The following DAPK1 variants were observed in gnomAD, a reference collection of about 807,000 sequenced individuals.
DAPK1 encodes the protein death-associated protein kinase 1.
In DAPK1, 56 loss-of-function variants were observed where a neutral mutation model predicts 144.9. The observed-to-expected ratio is 0.39, with a 90% confidence interval of 0.31 to 0.48. The LOEUF (loss-of-function observed/expected upper bound fraction) is 0.48. DAPK1 is among the 20% of genes least tolerant of loss of function. The pLI is 0.95. For missense variants in DAPK1, 1,454 were observed against 1,875.4 expected (o/e 0.78, Z 4.15); for synonymous variants, 690 against 749.0 (o/e 0.92, Z 1.29).
intron 25 of DAPK1, among the ~76,000 whole-genome samples, chr9:87,704,120 A>C (rs1037528632): frequency 2.6e-5 from 4 of 152,190 alleles, no homozygotes; most frequent in Non-Finnish European, 5.9e-5. Flanking sequence ...CCGGGCAGTA[A>C]TTTCATCAGC....
intron 18 of DAPK1, among the ~76,000 whole-genome samples, chr9:87,666,897 G>A (rs904751871): frequency 3.3e-5 from 5 of 152,148 alleles, no homozygotes; most frequent in African/African-American, 7.2e-5. Flanking sequence ...CAAGAGGAAC[G>A]TCCTGTTCAG....
At chr9:87,682,130 A>C (rs1047253050) in intron 20 of DAPK1, among the ~76,000 whole-genome samples, 2 of 152,152 alleles carry the variant, frequency 1.3e-5, no homozygotes, top group Non-Finnish European at 2.9e-5. Context: ...TCCAGGAAGC[A>C]CCATCCTGCT....
chr9:87,697,892 T>C (rs796394009), intron 22 of DAPK1, among the ~76,000 whole-genome samples: 4 of 152,242 alleles, frequency 2.6e-5, no homozygotes, highest in African/African-American at 9.6e-5. Context: ...AGGCTGTGGC[T>C]GCAGTGAGCC....
chr9:87,525,187 G>A, intron 2 of DAPK1: 1 of 748,030 alleles, frequency 1.3e-6, no homozygotes, highest in South Asian at 1.5e-5. Flanking sequence ...TGTGTGTTTG[G>A]ATGAGTACCA....
chr9:87,707,844 T>TC lies in DAPK1; in HGVS notation c.*483dup. On this transcript the variant is annotated 3_prime_UTR_variant, in exon 26 of 26. Coordinates refer to ENST00000408954, the MANE Select transcript of DAPK1 (RefSeq NM_004938.4). The surrounding 1 kb of genome is among the most constrained non-coding windows in gnomAD (Gnocchi z 4.0). ...TCTCTTTTATATTTGTAGGAGAAACTCCCATGTATGGAATCCCACTGTATG... is the reference window on the plus strand; with the variant it reads ...TCTCTTTTATATTTGTAGGAGAAACTCCCCATGTATGGAATCCCACTGTATG... 2.2e-6 allele frequency: 1 copy of TC among 456,874 alleles called. No individual in the cohort carries two copies. 28.3% of individuals were successfully genotyped at this position (456,874 alleles called of 1,614,324 possible). A position where few individuals can be genotyped will look rare whatever the true frequency, so the allele number is the denominator to read the frequency against.
At chr9:87,593,474 G>A (rs1828209706) in intron 2 of DAPK1, among the ~76,000 whole-genome samples, 2 of 152,220 alleles carry the variant, frequency 1.3e-5, no homozygotes, top group South Asian at 4.1e-4. Flanking sequence ...CCAGAACTGA[G>A]CAGGGTGAAT....
At chr9:87,561,528 AAGAAAAAAAAAATACAC>A (rs1826925810) in intron 2 of DAPK1, among the ~76,000 whole-genome samples, 1 of 90,548 alleles carries the variant, frequency 1.1e-5, no homozygotes, top group Non-Finnish European at 2.3e-5. Flanking sequence ...TCCGTCTCAA[AAGAAAAAAAAAATACAC>A]CAAATATGTT....
intron 24 of DAPK1, among the ~76,000 whole-genome samples, chr9:87,702,233 T>C (rs7865636): frequency 0.15 from 22,835 of 152,242 alleles, 2,239 homozygotes; most frequent in East Asian, 0.45. Flanking sequence ...AGTGCGGAAT[T>C]AATGGCACGG....
chr9:87,633,209 G>A, intron 3 of DAPK1: 4 of 983,590 alleles, frequency 4.1e-6, no homozygotes, highest in Non-Finnish European at 4.8e-6. Context: ...GGATGAAGGA[G>A]ATTGAGTACA....
intron 2 of DAPK1, among the ~76,000 whole-genome samples, chr9:87,538,400 G>A (rs1157889239): frequency 1.3e-5 from 2 of 152,156 alleles, no homozygotes; most frequent in African/African-American, 4.8e-5. Flanking sequence ...GTAGATGTCC[G>A]AGTGTGTGTA....
intron 23 of DAPK1, among the ~76,000 whole-genome samples, chr9:87,699,174 T>C (rs937990454): frequency 1.3e-5 from 2 of 152,226 alleles, no homozygotes; most frequent in East Asian, 3.8e-4. Context: ...ACCTTTATTT[T>C]TCATTTTTAT....
intron 21 of DAPK1, among the ~76,000 whole-genome samples, chr9:87,694,062 C>T (rs971395969): frequency 1.3e-5 from 2 of 152,076 alleles, no homozygotes; most frequent in African/African-American, 2.4e-5. Context: ...ACAGCTTGCT[C>T]AAGTGCTGGT....
Position 87,706,935 on chromosome 9 carries a change from C to T in DAPK1, c.3864C>T (p.His1288=), listed in dbSNP as rs201377316. 3.1e-5 allele frequency: 50 copies of T among 1,613,474 alleles called. No individual in the cohort carries two copies. The highest frequency in any genetic ancestry group is 9.3e-5 in the African/African-American group (7 of 75,030). Residue 1288 remains histidine (H), a synonymous_variant, in exon 26 of 26, where the codon CAC becomes CAT. Coordinates refer to ENST00000408954, the MANE Select transcript of DAPK1 (RefSeq NM_004938.4). The surrounding 1 kb of genome is among the most constrained non-coding windows in gnomAD (Gnocchi z 9.0). ...GCAGCATCATGTGCTTCGGGTGTCA[C>T]GACGTCTACTCACAGGCCAGCCTCG... ...SFSSIMCFGC[H]DVYSQASLGM...
chr9:87,520,676 A>T (rs1362563229), intron 2 of DAPK1, among the ~76,000 whole-genome samples: 1 of 152,208 alleles, frequency 6.6e-6, no homozygotes, highest in East Asian at 1.9e-4. Flanking sequence ...TACTTCTTTT[A>T]AAAACTGGGA....
chr9:87,497,741 C>A (rs1307751922), upstream of DAPK1: 2 of 290,602 alleles, frequency 6.9e-6, no homozygotes, highest in Non-Finnish European at 1.3e-5. Flanking sequence ...CGCGCAGAAC[C>A]CGCAGCGCCG....
chr9:87,674,845 A>G (rs928289480), intron 19 of DAPK1, among the ~76,000 whole-genome samples: 1 of 152,188 alleles, frequency 6.6e-6, no homozygotes, highest in Admixed American at 6.5e-5. Context: ...TGCTAGGGAG[A>G]AAACAGTACT....
intron 2 of DAPK1, among the ~76,000 whole-genome samples, chr9:87,588,283 T>C (rs1828004837): frequency 6.6e-6 from 1 of 152,230 alleles, no homozygotes; most frequent in East Asian, 1.9e-4. Context: ...CCATTCCCTA[T>C]TAGAAACTGA....
intron 2 of DAPK1, among the ~76,000 whole-genome samples, chr9:87,505,063 A>G (rs978416078): frequency 6.6e-6 from 1 of 152,098 alleles, no homozygotes; most frequent in African/African-American, 2.4e-5. Flanking sequence ...CTTCCCTCCT[A>G]GCAGAGTTGT....
At chr9:87,569,332 C>A (rs1827249353) in intron 2 of DAPK1, among the ~76,000 whole-genome samples, 1 of 152,176 alleles carries the variant, frequency 6.6e-6, no homozygotes, top group Non-Finnish European at 1.5e-5. Flanking sequence ...GGCTTTGCCC[C>A]ATGGACTGAA....
Sources: allele counts gnomAD v4.1 joint callset (sites outside exome capture counted in the v4.1 genomes callset), GRCh38; gene constraint gnomAD v4.1.1; non-coding constraint Gnocchi (gnomAD v3.1); transcripts MANE v1.5; gene names NCBI Gene and HGNC (gene_info 2026-07-23, HGNC 2026-07-21).